FAM120A: variants seen among roughly 807,000 people sequenced by gnomAD.
FAM120A encodes the protein family with sequence similarity 120 member A.
FAM120A carries 15 observed loss-of-function variants against 109.7 expected under a neutral mutation model. The observed-to-expected ratio is 0.14, with a 90% CI of 0.09 to 0.21. FAM120A has a LOEUF of 0.21. Ranked by LOEUF, FAM120A falls within the 10% of genes least tolerant of loss-of-function variation. The probability of loss-of-function intolerance (pLI) is 1.00; values close to 1 mark genes in which losing one functional copy is unlikely to be tolerated. For synonymous variants in FAM120A, 493 were observed against 572.8 expected (o/e 0.86, Z 1.99); for missense variants, 899 against 1,439.3 (o/e 0.62, Z 6.07).
In FAM120A at chr9:93,452,549, GAT is replaced by G; in HGVS notation, c.474+161_474+162del. ...CCTGGCCGGGCCGGGCTGCAAGATG[GAT>G]GGCCGCGGGTGCAGGCCGCGCGCTG... On this transcript the variant is annotated intron_variant, in intron 1 of 17. Transcript: ENST00000277165. This position sits in a 1 kb window ranked among gnomAD's most constrained non-coding sequence, Gnocchi z 7.0. The G allele has an allele frequency of 6.3e-7, 1 of 1,579,602 alleles. No homozygotes were observed. The highest frequency in any genetic ancestry group is 8.6e-7 in the Non-Finnish European group (1 of 1,169,412).
In FAM120A at chr9:93,532,883, G is replaced by A. The variant is rs906392922; in HGVS notation, c.1909+554G>A. ...CTCTGAGACCTGTGCACTTCCAGCT[G>A]ATCAACTCTGGGAGTGGGGGGTGCA... On this transcript the variant is annotated intron_variant, in intron 10 of 17. Transcript: ENST00000277165. This position sits in a 1 kb window ranked among gnomAD's most constrained non-coding sequence, Gnocchi z 4.3. Among the ~76,000 whole-genome samples, 1 of 152,214 alleles carries A rather than the reference G, an allele frequency of 6.6e-6. No individual in the cohort carries two copies. The highest frequency in any genetic ancestry group is 1.5e-5 in the Non-Finnish European group (1 of 68,040).
intron 1 of FAM120A, among the ~76,000 whole-genome samples, chr9:93,460,408 C>T (rs2131211901): frequency 6.6e-6 from 1 of 152,292 alleles, no homozygotes; most frequent in South Asian, 2.1e-4. Flanking sequence ...GTGACACAAT[C>T]TCAGCTGACT....
intron 10 of FAM120A, among the ~76,000 whole-genome samples, chr9:93,534,617 T>G (rs1267402807): frequency 6.6e-6 from 1 of 152,130 alleles, no homozygotes; most frequent in East Asian, 1.9e-4. Context: ...CTCCCTTCCC[T>G]CCTCTCCTCT....
At chr9:93,517,883 AGCATGT>A (rs1263027568) in intron 7 of FAM120A, among the ~76,000 whole-genome samples, 8 of 152,098 alleles carry the variant, frequency 5.3e-5, no homozygotes, top group Non-Finnish European at 1.2e-4. Flanking sequence ...GGACTGCCTG[AGCATGT>A]CCTGTCTTTT....
At position 93,527,216 on chromosome 9, in the gene FAM120A, C is replaced by T; in HGVS notation, c.1480C>T (p.Arg494Ter). ...KTGSHSEPQA[R>*]GDPGDQTKAE... is the part of the protein sequence containing the mutation. ...GGGAAGCCACTCAGAGCCTCAGGCA[C>T]GAGGAGACCCAGGAGACCAAACAAA... Residue 494 changes from arginine (R) to a stop codon, truncating the protein, a stop_gained, in exon 8 of 18, where the codon CGA (arginine) becomes TGA (stop). Transcript: ENST00000277165. LOFTEE classifies it high-confidence loss of function. 6.2e-7 allele frequency: 1 copy of T among 1,614,082 alleles called. No individual in the cohort carries two copies.
chr9:93,550,520 C>T, intron 11 of FAM120A, 57 bp from the exon 12 acceptor site: 1 of 1,326,732 alleles, frequency 7.5e-7, no homozygotes, highest in Non-Finnish European at 1.1e-6. Context: ...CTGGACTTGT[C>T]TATATGACGG....
chr9:93,465,919 C>T (rs559420790), intron 1 of FAM120A, among the ~76,000 whole-genome samples: 53 of 152,132 alleles, frequency 3.5e-4, no homozygotes, highest in South Asian at 2.1e-3. Flanking sequence ...ATAGAATGTC[C>T]CCGATTTGGG....
At chr9:93,523,236 CT>C (rs1860917793) in intron 7 of FAM120A, 1 of 1,092,542 alleles carries the variant, frequency 9.2e-7, no homozygotes, top group Non-Finnish European at 1.2e-6. Context: ...TGATGTGCCT[CT>C]TTTGCTTGAA....
chr9:93,451,822 C>T lies in FAM120A; in HGVS notation c.-94C>T. On this transcript the variant is annotated 5_prime_UTR_variant, in exon 1 of 18. Transcript: ENST00000277165. Reference sequence around the variant, plus strand: ...CCCCAGTCCCCCCTAGAGGCCGCCGCCCCCGCCCGCCAGCCCGCCCGCGCG... The same window carrying T: ...CCCCAGTCCCCCCTAGAGGCCGCCGTCCCCGCCCGCCAGCCCGCCCGCGCG... 4.1e-6 allele frequency: 4 copies of T among 964,650 alleles called. No homozygotes were observed. The South Asian group carries it at 1.8e-4, about 45-fold the overall frequency. The allele number at this position is 964,650 out of a possible 1,614,324, so 59.8% of individuals were successfully genotyped here.
rs1233515462 is a variant in FAM120A, at chr9:93,452,998, T to G, written c.474+609T>G. On this transcript the variant is annotated intron_variant, in intron 1 of 17. Transcript: ENST00000277165. This position sits in a 1 kb window ranked among gnomAD's most constrained non-coding sequence, Gnocchi z 7.0. Reference sequence around the variant, plus strand: ...TCCGTGTTCCTCTTAGTACAGGGTGTTTAGAGAATCTTTCTATGGCTTTTT... The same window carrying G: ...TCCGTGTTCCTCTTAGTACAGGGTGGTTAGAGAATCTTTCTATGGCTTTTT... 1 of 1,266,382 alleles carries G rather than the reference T, an allele frequency of 7.9e-7. No individual in the cohort carries two copies. Among genetic ancestry groups the G allele is most frequent in the African/African-American group, 1.6e-5 (1 of 63,752 alleles). 78.4% of individuals were successfully genotyped at this position (1,266,382 alleles called of 1,614,324 possible).
intron 5 of FAM120A, among the ~76,000 whole-genome samples, chr9:93,512,205 G>A (rs1275837806): frequency 1.3e-5 from 2 of 152,208 alleles, no homozygotes; most frequent in East Asian, 3.8e-4. Flanking sequence ...TGTTAGGTTG[G>A]GCTAGGAATG....
At chr9:93,527,609 A>AT (rs1337159984) in intron 8 of FAM120A, among the ~76,000 whole-genome samples, 2 of 72,026 alleles carry the variant, frequency 2.8e-5, no homozygotes, top group African/African-American at 4.2e-5. Context: ...AAATTTTTGT[A>AT]TTTAATTTTT....
chr9:93,540,266 T>C (rs908467808), intron 10 of FAM120A, among the ~76,000 whole-genome samples: 1 of 152,222 alleles, frequency 6.6e-6, no homozygotes, highest in Non-Finnish European at 1.5e-5. Flanking sequence ...CCACCTCTAT[T>C]CTCTGGTGGA....
At chr9:93,525,406 C>T (rs1861032847) in intron 7 of FAM120A, among the ~76,000 whole-genome samples, 1 of 152,124 alleles carries the variant, frequency 6.6e-6, no homozygotes, top group African/African-American at 2.4e-5. Flanking sequence ...CCTCCAAGAG[C>T]CCCAGACACT....
At chr9:93,490,212 G>A (rs1316544988) in intron 3 of FAM120A, among the ~76,000 whole-genome samples, 1 of 152,182 alleles carries the variant, frequency 6.6e-6, no homozygotes, top group Non-Finnish European at 1.5e-5. Flanking sequence ...GTAATGAAGT[G>A]GATCAGTTCT....
intron 1 of FAM120A, among the ~76,000 whole-genome samples, chr9:93,467,246 A>AACC (rs1491138709): frequency 1.6e-5 from 1 of 62,796 alleles, no homozygotes; most frequent in Non-Finnish European, 3.2e-5. Context: ...ATCTGCTGTC[A>AACC]CCCCCCCCCC....
intron 7 of FAM120A, among the ~76,000 whole-genome samples, chr9:93,520,544 G>A (rs557326368): frequency 5.9e-5 from 9 of 152,346 alleles, no homozygotes; most frequent in African/African-American, 1.7e-4. Context: ...GGCGGTTATG[G>A]GTGGAGTTAT....
chr9:93,543,216 C>G lies in FAM120A; in HGVS notation c.1910-6C>G. The G allele has an allele frequency of 3.7e-6, 6 of 1,607,150 alleles. No individual in the cohort carries two copies. Among genetic ancestry groups the G allele is most frequent in the Non-Finnish European group, 5.1e-6 (6 of 1,176,722 alleles). On this transcript the variant is annotated splice_region_variant and splice_polypyrimidine_tract_variant and intron_variant, in intron 10 of 17. Coordinates refer to ENST00000277165, the MANE Select transcript of FAM120A (RefSeq NM_014612.5). ...ATGTGTCTTCTCTGGCTTTTTTTTC[C>G]TGTAGTTTCACCAGTGATCATTAAA...
At chr9:93,495,623 A>G (rs2131342827) in intron 3 of FAM120A, among the ~76,000 whole-genome samples, 1 of 152,346 alleles carries the variant, frequency 6.6e-6, no homozygotes, top group East Asian at 1.9e-4. Flanking sequence ...CACAAGATAC[A>G]TCCCTTAATC....
Sources: gnomAD v4.1 joint callset for allele counts (sites outside exome capture counted in the v4.1 genomes callset) on GRCh38, gnomAD v4.1.1 for gene constraint, Gnocchi (gnomAD v3.1) non-coding constraint, MANE v1.5 for transcripts, NCBI Gene and HGNC (gene_info 2026-07-23, HGNC 2026-07-21) for gene names.